Variants in DYSF observed in about 807,000 individuals in gnomAD.
DYSF encodes the protein dystrophy-associated fer-1-like 1.
DYSF carries 212 observed loss-of-function variants against 274.9 expected under a neutral mutation model. The observed-to-expected ratio is 0.77, with a 90% confidence interval of 0.69 to 0.86. The LOEUF (loss-of-function observed/expected upper bound fraction) is 0.86. DYSF is among the 40% of genes least tolerant of loss of function. The pLI, the probability that DYSF is intolerant of heterozygous loss-of-function variation, is 0.00. For missense variants in DYSF, 2,666 were observed against 2,783.2 expected (o/e 0.96, Z 0.95); for synonymous variants, 1,091 against 1,078.7 (o/e 1.01, Z -0.22).
intron 30 of DYSF, among the ~76,000 whole-genome samples, chr2:71,578,637 G>A (rs186965394): frequency 6.6e-6 from 1 of 152,258 alleles, no homozygotes; most frequent in Non-Finnish European, 1.5e-5. Flanking sequence ...GCCTTGCAGG[G>A]GCTGGGGAAA....
rs766469404 is a variant in DYSF at position 71,669,751 on chromosome 2, G to T, written c.5784+5G>T. 1 of 1,614,208 alleles carries T rather than the reference G, an allele frequency of 6.2e-7. No homozygotes were observed. The highest frequency in any genetic ancestry group is 1.1e-5 in the South Asian group (1 of 91,082). On this transcript the variant is annotated splice_donor_5th_base_variant and intron_variant, in intron 51 of 55. Coordinates refer to ENST00000410020, the MANE Select transcript of DYSF (RefSeq NM_001130987.2). ...GTCTGTACCATTGCCAAGAAGGTCA[G>T]TGTCCTTCCGATTCCCTGTGGTGCC...
chr2:71,458,176 T>C (rs2081147537), intron 1 of DYSF, among the ~76,000 whole-genome samples: 1 of 152,208 alleles, frequency 6.6e-6, no homozygotes, highest in African/African-American at 2.4e-5. Flanking sequence ...GATGAATCAT[T>C]CTGGAGAGTT....
intron 22 of DYSF, 148 bp from the exon 23 acceptor site, chr2:71,561,604 G>A: frequency 1.2e-6 from 1 of 855,872 alleles, no homozygotes; most frequent in Non-Finnish European, 1.9e-6. Flanking sequence ...ACATAGAGAT[G>A]GCTGTGTGTG....
intron 24 of DYSF, 77 bp from the exon 25 acceptor site, chr2:71,567,874 T>A (rs1288997874): frequency 1.3e-6 from 2 of 1,582,672 alleles, no homozygotes; most frequent in African/African-American, 1.3e-5. Flanking sequence ...CTTGGAGGAC[T>A]CCTCCTCCCC....
At chr2:71,574,148 T>TC (rs1442650111) in intron 29 of DYSF, 50 bp from the exon 30 acceptor site, 2 of 1,600,368 alleles carry the variant, frequency 1.2e-6, no homozygotes, top group Non-Finnish European at 8.5e-7. Context: ...AGCACAGAAC[T>TC]CCCCCCAGCC....
intron 3 of DYSF, 59 bp from the exon 4 acceptor site, chr2:71,503,155 G>A: frequency 6.7e-7 from 1 of 1,494,918 alleles, no homozygotes; most frequent in Non-Finnish European, 9.3e-7. Context: ...GAGGGGTCTG[G>A]CAGAAGAGCC....
chr2:71,468,548 C>A (rs191497916), intron 1 of DYSF, among the ~76,000 whole-genome samples: 19 of 152,302 alleles, frequency 1.2e-4, no homozygotes, highest in Admixed American at 1.0e-3. Flanking sequence ...GCTATCTCCC[C>A]CCAGATCTCT....
In DYSF at chr2:71,600,687, C is replaced by T; in HGVS notation, c.3757-15C>T. 1 of 1,614,062 alleles carries T rather than the reference C, an allele frequency of 6.2e-7. No individual in the cohort carries two copies. The highest frequency in any genetic ancestry group is 8.5e-7 in the Non-Finnish European group (1 of 1,180,032). ...GTAAGGGATGCTGATTCTTGTCTCT[C>T]TACGCTTGGTCTAGGGTGCAGACGA... is the stretch of plus-strand genomic sequence containing the variant. On this transcript the variant is annotated splice_polypyrimidine_tract_variant and intron_variant, in intron 33 of 55. Transcript: ENST00000410020.
chr2:71,546,944 G>A (rs899138027), intron 17 of DYSF, among the ~76,000 whole-genome samples: 1 of 152,228 alleles, frequency 6.6e-6, no homozygotes, highest in Non-Finnish European at 1.5e-5. Context: ...GTGGCTCACT[G>A]GGCTGGGAGG....
chr2:71,553,752 A>AAACCCCCCCCCCCCCCACCCGG, intron 20 of DYSF, 55 bp from the exon 21 acceptor site: 1 of 267,804 alleles, frequency 3.7e-6, no homozygotes, highest in Non-Finnish European at 6.7e-6. Context: ...TTAGCACCCC[A>AAACCCCCCCCCCCCCCACCCGG]TCCCACCCGC....
At chr2:71,531,432 A>G (rs1387342122) in intron 14 of DYSF, among the ~76,000 whole-genome samples, 1 of 151,932 alleles carries the variant, frequency 6.6e-6, no homozygotes, top group Non-Finnish European at 1.5e-5. Flanking sequence ...CCCAGCGTGT[A>G]TGTTGGTTGC....
chr2:71,568,625 A>C (rs2152811934), intron 26 of DYSF, among the ~76,000 whole-genome samples: 1 of 151,796 alleles, frequency 6.6e-6, no homozygotes, highest in Admixed American at 6.6e-5. Context: ...CAGTAGCATG[A>C]TCGCAGCTCA....
upstream of DYSF, among the ~76,000 whole-genome samples, chr2:71,463,593 C>T (rs574366621): frequency 2.0e-5 from 3 of 152,376 alleles, no homozygotes; most frequent in South Asian, 4.1e-4. Context: ...CTGCTGCCAG[C>T]AACTCCATAG....
chr2:71,591,205 A>G (rs942264455), intron 32 of DYSF, among the ~76,000 whole-genome samples: 3 of 152,076 alleles, frequency 2.0e-5, no homozygotes, highest in Non-Finnish European at 2.9e-5. Context: ...TTTGCTCCCT[A>G]TTTCTAACCA....
Position 71,503,294 on chromosome 2 carries a change from T to C in DYSF, c.320T>C (p.Leu107Pro), listed in dbSNP as rs2152715793. 1 of 1,614,126 alleles carries C rather than the reference T, an allele frequency of 6.2e-7. No homozygotes were observed. Among genetic ancestry groups the C allele is most frequent in the Non-Finnish European group, 8.5e-7 (1 of 1,179,980 alleles). ...SLSASFNAPL[L>P]DTKKQPTGAS... ...TCCGCCAGCTTCAATGCCCCCCTGC[T>C]GGACACCAAGAAGCAGCCCACAGGG... Residue 107 changes from leucine (L) to proline (P), a missense_variant, in exon 4 of 56, where the codon CTG becomes CCG. Around this residue, in one of 3 missense-constraint regions of DYSF, gnomAD observed 794 missense variants for 777.1 expected, o/e 1.02. Transcript: ENST00000410020.
intron 41 of DYSF, among the ~76,000 whole-genome samples, chr2:71,641,372 G>T (rs972950440): frequency 5.9e-5 from 9 of 151,504 alleles, no homozygotes; most frequent in African/African-American, 2.2e-4. Flanking sequence ...GTAGAGACGG[G>T]GTTTCACCGT....
intron 16 of DYSF, among the ~76,000 whole-genome samples, chr2:71,535,652 A>G (rs1047713257): frequency 2.2e-4 from 34 of 152,140 alleles, no homozygotes; most frequent in Non-Finnish European, 3.2e-4. Context: ...GGAGAGGCTC[A>G]CAAACTAAGG....
intron 41 of DYSF, among the ~76,000 whole-genome samples, chr2:71,637,924 G>A (rs1168400368): frequency 6.6e-6 from 1 of 152,136 alleles, no homozygotes; most frequent in Non-Finnish European, 1.5e-5. Flanking sequence ...TCACTGAGCA[G>A]CCGGCCAGCT....
intron 9 of DYSF, among the ~76,000 whole-genome samples, 176 bp downstream of exon 9, chr2:71,516,418 A>G (rs1056979571): frequency 6.6e-6 from 1 of 152,178 alleles, no homozygotes; most frequent in Non-Finnish European, 1.5e-5. Context: ...GAGACGTGTT[A>G]AAGCCTGACA....
Sources: gnomAD v4.1 joint callset for allele counts (sites outside exome capture counted in the v4.1 genomes callset) on GRCh38, gnomAD v4.1.1 for gene constraint, gnomAD v4.1.1 regional missense constraint, MANE v1.5 for transcripts, NCBI Gene and HGNC (gene_info 2026-07-23, HGNC 2026-07-21) for gene names.